The following RAB4B variants were observed in gnomAD, a reference collection of about 807,000 sequenced individuals.
RAB4B encodes ras-related protein Rab-4B.
In RAB4B, 15 loss-of-function variants were observed where a neutral mutation model predicts 28.3. The observed-to-expected ratio is 0.53, with a 90% CI of 0.35 to 0.82. The LOEUF (loss-of-function observed/expected upper bound fraction) is 0.82. RAB4B is among the 40% of genes least tolerant of loss of function. The pLI is 0.01. For missense variants in RAB4B, 244 were observed against 288.5 expected, an observed-to-expected ratio of 0.85 and a Z score of 1.12; for synonymous variants, 108 against 116.3, an observed-to-expected ratio of 0.93 and a Z score of 0.46.
chr19:40,780,026 C>A lies in RAB4B; in HGVS notation c.24C>A (p.Leu8=), dbSNP rs1301836674. 1.2e-6 allele frequency: 2 copies of A among 1,611,810 alleles called. No individual in the cohort carries two copies. The highest frequency in any genetic ancestry group is 1.7e-6 in the Non-Finnish European group (2 of 1,177,970). MAETYDF[L]FKFLVIGSAG... is the part of the protein sequence containing the mutation. ...TTGGCTCCATCTGGTCAGACTTCCT[C>A]TTCAAATTCCTGGTGATTGGCAGTG... Residue 8 remains leucine (L), a synonymous_variant, in exon 2 of 8, where the codon CTC becomes CTA. Transcript: ENST00000357052.
At chr19:40,782,167 A>G (rs1433843446) in intron 3 of RAB4B, among the ~76,000 whole-genome samples, 1 of 152,182 alleles carries the variant, frequency 6.6e-6, no homozygotes, top group Non-Finnish European at 1.5e-5. Context: ...TAACTGCCTG[A>G]GGTGCACAGA....
At chr19:40,795,186 A>C (rs1175509522) in intron 7 of RAB4B, among the ~76,000 whole-genome samples, 2 of 149,622 alleles carry the variant, frequency 1.3e-5, no homozygotes, top group African/African-American at 4.9e-5. Flanking sequence ...AAAAAAAAAA[A>C]AAAAAGATGT....
chr19:40,791,600 C>T (rs1305986211), intron 7 of RAB4B, among the ~76,000 whole-genome samples: 1 of 152,070 alleles, frequency 6.6e-6, no homozygotes, highest in Non-Finnish European at 1.5e-5. Context: ...CAACCTCCTT[C>T]CTCCAGGCAG....
At chr19:40,784,903 C>T (rs536030016) in intron 5 of RAB4B, among the ~76,000 whole-genome samples, 1 of 150,364 alleles carries the variant, frequency 6.7e-6, no homozygotes, top group Non-Finnish European at 1.5e-5. Flanking sequence ...TATAGTGGCG[C>T]AATCTCGGCT....
chr19:40,778,453 G>C (rs1042278377), intron 1 of RAB4B, 62 bp downstream of exon 1: 10 of 1,387,912 alleles, frequency 7.2e-6, no homozygotes, highest in Admixed American at 3.7e-5. Flanking sequence ...CGGCCTGTGG[G>C]AATGGGCGGG....
rs892201779 is a variant in RAB4B at position 40,786,858 on chromosome 19, C to T, written c.537C>T (p.Asp179=). The change falls in exon 7 of 8, where the codon GAC becomes GAT. Residue 179 remains aspartate (D), a synonymous_variant. Transcript: ENST00000357052. ...TCCCCTTCCCCACAGGCGAGCTAGA[C>T]CCGGAGAGGATGGGCTCTGGCATTC... ...ILNKIDSGEL[D]PERMGSGIQY... is the part of the protein sequence containing the mutation. 2 of 1,614,036 alleles carry T rather than the reference C, an allele frequency of 1.2e-6. No individual in the cohort carries two copies. Among genetic ancestry groups the T allele is most frequent in the Non-Finnish European group, 1.7e-6 (2 of 1,180,022 alleles).
intron 3 of RAB4B, 57 bp from the exon 4 acceptor site, chr19:40,783,721 G>A: frequency 1.3e-6 from 2 of 1,484,696 alleles, no homozygotes; most frequent in Non-Finnish European, 1.8e-6. Context: ...TGTAGAGGGG[G>A]GCATTCTCGG....
At chr19:40,778,923 G>T in intron 1 of RAB4B, 1 of 985,250 alleles carries the variant, frequency 1.0e-6, no homozygotes, top group East Asian at 1.1e-4. Context: ...AGGTCGGGAA[G>T]TGGAAAATCA....
chr19:40,795,451 G>A (rs2083200890), intron 7 of RAB4B, among the ~76,000 whole-genome samples: 1 of 151,620 alleles, frequency 6.6e-6, no homozygotes, highest in African/African-American at 2.4e-5. Flanking sequence ...CCGGGCTGGA[G>A]TGCAGTGGTG....
At position 40,785,770 on chromosome 19, in the gene RAB4B, T is replaced by C. The variant is rs192681131; in HGVS notation, c.431-895T>C. The C allele has an allele frequency of 2.0e-3, 308 of 152,580 alleles. 6 individuals carry two copies. The South Asian group carries it at 0.024, about 12-fold the overall frequency. 9.5% of individuals were successfully genotyped at this position (152,580 alleles called of 1,614,324 possible). The stretch of plus-strand genomic sequence containing the variant: ...CTAGATGGTGCTAGAGACACAGTGT[T>C]GGAGACAGCCCTAGGCCCAACCTTC... On this transcript the variant is annotated intron_variant, in intron 5 of 7. Transcript: ENST00000357052.
intron 7 of RAB4B, among the ~76,000 whole-genome samples, chr19:40,787,408 G>A (rs2083110969): frequency 6.6e-6 from 1 of 152,082 alleles, no homozygotes; most frequent in Non-Finnish European, 1.5e-5. Flanking sequence ...GGTGGCAGGT[G>A]CCTGTAATCC....
intron 7 of RAB4B, among the ~76,000 whole-genome samples, chr19:40,795,147 CAAT>C (rs997285442): frequency 1.6e-4 from 19 of 116,636 alleles, no homozygotes; most frequent in African/African-American, 6.4e-4. Flanking sequence ...TCAGCCCAGG[CAAT>C]AGAGCGAGGC....
At chr19:40,794,997 C>CAAAAAAAACAAAAAAAAAAA (rs2083195578) in intron 7 of RAB4B, among the ~76,000 whole-genome samples, 1 of 99,942 alleles carries the variant, frequency 1.0e-5, no homozygotes, top group Non-Finnish European at 1.9e-5. Flanking sequence ...ACTAAAAATA[C>CAAAAAAAACAAAAAAAAAAA]AAAAAAAAAA....
chr19:40,786,501 CG>C, intron 5 of RAB4B, 163 bp from the exon 6 acceptor site: 1 of 1,040,384 alleles, frequency 9.6e-7, no homozygotes, highest in Middle Eastern at 3.1e-4. Context: ...GTGGGCATAT[CG>C]GGAAGCGGAC....
At chr19:40,779,840 A>G (rs1346699749) in intron 1 of RAB4B, 179 bp from the exon 2 acceptor site, 1 of 1,409,346 alleles carries the variant, frequency 7.1e-7, no homozygotes, top group Non-Finnish European at 9.3e-7. Context: ...TGCCTGGCAC[A>G]TGGCAAGTAC....
At chr19:40,793,572 G>GTTTTTTTTT (rs373163247) in intron 7 of RAB4B, among the ~76,000 whole-genome samples, 2 of 125,414 alleles carry the variant, frequency 1.6e-5, no homozygotes, top group East Asian at 2.2e-4. Context: ...TTTCTTTTTT[G>GTTTTTTTTT]TTTTTTTTTT....
chr19:40,787,090 T>C (rs2083107323), intron 7 of RAB4B, 112 bp downstream of exon 7: 1 of 1,019,158 alleles, frequency 9.8e-7, no homozygotes, highest in African/African-American at 1.6e-5. Flanking sequence ...GAGAGAAAGA[T>C]GCAAAAACAC....
At chr19:40,793,897 C>T (rs1410496841) in intron 7 of RAB4B, among the ~76,000 whole-genome samples, 2 of 151,768 alleles carry the variant, frequency 1.3e-5, no homozygotes, top group African/African-American at 4.8e-5. Context: ...GCACTCCAGC[C>T]TGGGCGACAG....
chr19:40,781,442 C>T (rs1310679095), intron 3 of RAB4B, among the ~76,000 whole-genome samples: 6 of 151,782 alleles, frequency 4.0e-5, no homozygotes, highest in South Asian at 2.1e-4. Flanking sequence ...AATGAATGCA[C>T]GAATTTACGG....
Sources: allele counts gnomAD v4.1 joint callset (sites outside exome capture counted in the v4.1 genomes callset), GRCh38; gene constraint gnomAD v4.1.1; transcripts MANE v1.5; gene names NCBI Gene and HGNC (gene_info 2026-07-23, HGNC 2026-07-21).